Variants in GRIN2A observed in about 807,000 individuals in gnomAD.
The protein encoded by GRIN2A is glutamate receptor ionotropic, NMDA 2A.
Under a neutral mutation model 113.4 loss-of-function variants are expected in GRIN2A, and 22 were observed. The ratio of observed to expected loss-of-function variants is 0.19; its 90% CI spans 0.14 to 0.28. GRIN2A has a LOEUF of 0.28. Among genes scored for constraint, GRIN2A ranks in the 10% least tolerant of loss-of-function variants. The pLI is 1.00. For missense variants in GRIN2A, 1,502 were observed against 1,887.0 expected, an observed-to-expected ratio of 0.80 and a Z score of 3.78; for synonymous variants, 827 against 738.4, an observed-to-expected ratio of 1.12 and a Z score of -1.94.
Position 9,763,206 on chromosome 16 carries a change from A to G in GRIN2A, c.4338T>C (p.Asn1446=), listed in dbSNP as rs1231794459. Residue 1446 remains asparagine, a synonymous_variant, in exon 13 of 13, where the codon AAT becomes AAC. Transcript: ENST00000330684. ...NNMYSTPRVL[N]SCSNRRVYKK... ...TGTACACGCGTCTATTGCTGCAGGA[A>G]TTTAAAACCCTGGGGGTAGAGTACA... 4.3e-6 allele frequency: 7 copies of G among 1,614,022 alleles called. No homozygotes were observed. Among genetic ancestry groups the G allele is most frequent in the Non-Finnish European group, 4.2e-6 (5 of 1,179,886 alleles).
chr16:10,092,722 A>C (rs2048203886), intron 2 of GRIN2A, among the ~76,000 whole-genome samples: 1 of 152,222 alleles, frequency 6.6e-6, no homozygotes, highest in African/African-American at 2.4e-5. Flanking sequence ...CCAAGATCAC[A>C]CAGCAAGCTA....
At chr16:10,108,223 C>T (rs1442734807) in intron 2 of GRIN2A, among the ~76,000 whole-genome samples, 7 of 152,168 alleles carry the variant, frequency 4.6e-5, no homozygotes. Context: ...CAAGAAGGTG[C>T]AAGTCAAGTC....
chr16:9,956,025 A>G (rs2045300374), intron 2 of GRIN2A, among the ~76,000 whole-genome samples: 1 of 152,174 alleles, frequency 6.6e-6, no homozygotes, highest in South Asian at 2.1e-4. Context: ...ATCCTTGTAA[A>G]GTTCTGTTGT....
chr16:9,764,520 A>G lies in GRIN2A; in HGVS notation c.3024T>C (p.Ser1008=), dbSNP rs1377128109. The change falls in exon 13 of 13, where the codon TCT becomes TCC. Residue 1008 remains serine (S), a synonymous_variant. Transcript: ENST00000330684. ...VAVSTESKAN[S]RPRQLWKKSV... is the part of the protein sequence containing the mutation. ...ATTTCTTCCACAGCTGCCGGGGTCT[A>G]GAGTTCGCTTTGGATTCTGTGCTCA... 1 of 1,614,100 alleles carries G rather than the reference A, an allele frequency of 6.2e-7. No individual in the cohort carries two copies. Among genetic ancestry groups the G allele is most frequent in the Non-Finnish European group, 8.5e-7 (1 of 1,179,982 alleles).
At chr16:9,772,022 T>C (rs1901302752) in intron 11 of GRIN2A, among the ~76,000 whole-genome samples, 1 of 152,132 alleles carries the variant, frequency 6.6e-6, no homozygotes, top group Non-Finnish European at 1.5e-5. Flanking sequence ...AAAGCATACA[T>C]GTTAATGAGT....
chr16:10,158,466 C>T (rs2049747849), intron 2 of GRIN2A, among the ~76,000 whole-genome samples: 1 of 152,116 alleles, frequency 6.6e-6, no homozygotes, highest in Admixed American at 6.6e-5. Flanking sequence ...AAAACTTGTA[C>T]ATAAATGTTT....
intron 2 of GRIN2A, among the ~76,000 whole-genome samples, chr16:10,127,187 G>T (rs1470122290): frequency 6.6e-6 from 1 of 151,734 alleles, no homozygotes; most frequent in South Asian, 2.1e-4. Context: ...AGCAGAGATC[G>T]TGCCACTCCA....
In GRIN2A at chr16:9,890,914, A is replaced by T. The variant is rs182186631; in HGVS notation, c.1122+72T>A. On this transcript the variant is annotated intron_variant, in intron 4 of 12. Coordinates refer to ENST00000330684, the MANE Select transcript of GRIN2A (RefSeq NM_001134407.3). ...TCAACAGGAAATGCGTGGGAGAAAG[A>T]AGCACTGTGAGCCCCTTTATTGCCC... 5.4e-6 allele frequency: 5 copies of T among 922,514 alleles called. No individual in the cohort carries two copies. The Admixed American group carries it at 8.5e-5, about 16-fold the overall frequency. 57.1% of individuals were successfully genotyped at this position (922,514 alleles called of 1,614,324 possible). A position where few individuals can be genotyped will look rare whatever the true frequency, so the allele number is the denominator to read the frequency against.
chr16:9,772,733 C>T (rs12598139), intron 11 of GRIN2A, among the ~76,000 whole-genome samples: 52,908 of 151,760 alleles, frequency 0.35, 10,192 homozygotes, highest in East Asian at 0.56. Context: ...CATCAGATTC[C>T]CAGAACATCT....
intron 4 of GRIN2A, among the ~76,000 whole-genome samples, chr16:9,867,921 C>T (rs1338251085): frequency 1.3e-5 from 2 of 152,062 alleles, no homozygotes; most frequent in Non-Finnish European, 2.9e-5. Flanking sequence ...CTACTGCCTC[C>T]GAGAAACCTC....
At chr16:10,082,789 A>G (rs554847352) in intron 2 of GRIN2A, among the ~76,000 whole-genome samples, 1 of 152,366 alleles carries the variant, frequency 6.6e-6, no homozygotes, top group East Asian at 1.9e-4. Flanking sequence ...TACACAAGCC[A>G]AGAACAAATA....
intron 4 of GRIN2A, among the ~76,000 whole-genome samples, chr16:9,854,173 T>G (rs2042930494): frequency 6.6e-6 from 1 of 151,658 alleles, no homozygotes; most frequent in South Asian, 2.1e-4. Flanking sequence ...AGTCAGAAAG[T>G]GTTAGAATGA....
intron 11 of GRIN2A, 24 bp downstream of exon 11, chr16:9,798,253 G>C (rs756983636): frequency 6.2e-7 from 1 of 1,603,076 alleles, no homozygotes; most frequent in Non-Finnish European, 8.5e-7. Flanking sequence ...TCCCCCTAAA[G>C]AAAGGGGTCA....
intron 2 of GRIN2A, among the ~76,000 whole-genome samples, chr16:10,153,152 G>T (rs1268052516): frequency 1.3e-5 from 2 of 152,132 alleles, no homozygotes; most frequent in Non-Finnish European, 2.9e-5. Flanking sequence ...TTACAAGTTG[G>T]TACTATTCTG....
chr16:9,912,274 G>T (rs369808099), intron 3 of GRIN2A, among the ~76,000 whole-genome samples: 1 of 152,090 alleles, frequency 6.6e-6, no homozygotes, highest in Admixed American at 6.5e-5. Flanking sequence ...GATAGCAATG[G>T]TGGTAGTGAT....
In GRIN2A at chr16:9,775,651, A is replaced by G. The variant is rs73496600; in HGVS notation, c.2357-6562T>C. 2.7e-3 allele frequency among the ~76,000 whole-genome samples: 412 copies of G among 152,374 alleles called. 6 individuals carry two copies. Among genetic ancestry groups the G allele is most frequent in the African/African-American group, 9.2e-3 (381 of 41,594 alleles). ...AAGGGATCAAAGGAGGAGCCCGAAG[A>G]GTAGAAGCCAGAATGCTAAGAACTT... On this transcript the variant is annotated intron_variant, in intron 11 of 12. Transcript: ENST00000330684.
intron 2 of GRIN2A, 108 bp from the exon 3 acceptor site, chr16:9,938,659 G>T (rs1328848125): frequency 1.0e-5 from 8 of 774,000 alleles, no homozygotes; most frequent in African/African-American, 5.1e-5. Flanking sequence ...TCAATCATTT[G>T]CAGACATTCC....
intron 10 of GRIN2A, among the ~76,000 whole-genome samples, chr16:9,799,087 C>T (rs1903192449): frequency 6.6e-6 from 1 of 152,180 alleles, no homozygotes; most frequent in African/African-American, 2.4e-5. Flanking sequence ...AACACGCATA[C>T]ACAGAGATTG....
chr16:10,035,040 T>G, intron 2 of GRIN2A, among the ~76,000 whole-genome samples: 1 of 151,690 alleles, frequency 6.6e-6, no homozygotes. Context: ...TTTTAACGTG[T>G]TTAGAGACAG....
Sources: gnomAD v4.1 joint callset for allele counts (sites outside exome capture counted in the v4.1 genomes callset) on GRCh38, gnomAD v4.1.1 for gene constraint, MANE v1.5 for transcripts, NCBI Gene and HGNC (gene_info 2026-07-23, HGNC 2026-07-21) for gene names.